Variants in MLLT3 observed in about 807,000 individuals in gnomAD.
MLLT3 encodes MLLT3 super elongation complex subunit, also known as protein AF-9.
A neutral mutation model predicts 53.2 loss-of-function variants in MLLT3; 4 were observed. That is an observed-to-expected ratio of 0.08 (90% CI 0.04 to 0.17). The LOEUF is 0.17. Ranked by LOEUF, MLLT3 falls within the 10% of genes least tolerant of loss-of-function variation. The probability of loss-of-function intolerance (pLI) is 1.00; values close to 1 mark genes in which losing one functional copy is unlikely to be tolerated. For synonymous variants in MLLT3, 283 were observed against 230.6 expected, an observed-to-expected ratio of 1.23 and a Z score of -2.06; for missense variants, 569 against 684.0, an observed-to-expected ratio of 0.83 and a Z score of 1.87.
At chr9:20,522,792 T>A (rs1357557811) in intron 2 of MLLT3, among the ~76,000 whole-genome samples, 1 of 152,070 alleles carries the variant, frequency 6.6e-6, no homozygotes, top group African/African-American at 2.4e-5. Flanking sequence ...AAGGGCCCAG[T>A]GCAGTAGCTA....
chr9:20,553,046 T>C (rs2119030429), intron 2 of MLLT3, among the ~76,000 whole-genome samples: 1 of 152,302 alleles, frequency 6.6e-6, no homozygotes, highest in South Asian at 2.1e-4. Context: ...CTACAGAACA[T>C]ATGAGAATCT....
intron 2 of MLLT3, among the ~76,000 whole-genome samples, chr9:20,589,581 T>C (rs1042548709): frequency 8.1e-5 from 7 of 86,676 alleles, no homozygotes; most frequent in Non-Finnish European, 1.5e-4. Context: ...ACTTAAAGTA[T>C]AATAATAAAA....
chr9:20,358,539 G>A (rs1472730055), intron 8 of MLLT3, among the ~76,000 whole-genome samples: 1 of 152,150 alleles, frequency 6.6e-6, no homozygotes, highest in Non-Finnish European at 1.5e-5. Context: ...TGTTTTGCTA[G>A]ACAGGTAAAA....
intron 2 of MLLT3, among the ~76,000 whole-genome samples, chr9:20,521,139 C>T (rs913062591): frequency 3.3e-5 from 5 of 151,708 alleles, no homozygotes; most frequent in East Asian, 3.9e-4. Context: ...TGGGCGATCT[C>T]GGCTCACTGC....
chr9:20,349,968 G>A (rs1022090247), intron 10 of MLLT3, among the ~76,000 whole-genome samples: 1 of 152,182 alleles, frequency 6.6e-6, no homozygotes, highest in African/African-American at 2.4e-5. Context: ...TTTGCCAAAG[G>A]GAATGGCATT....
chr9:20,601,257 T>A (rs773923802), intron 2 of MLLT3, among the ~76,000 whole-genome samples: 1 of 152,208 alleles, frequency 6.6e-6, no homozygotes, highest in Non-Finnish European at 1.5e-5. Context: ...AGGCGTTTTG[T>A]ATTCAAAAAG....
intron 4 of MLLT3, among the ~76,000 whole-genome samples, chr9:20,431,560 T>C (rs1218207922): frequency 2.6e-5 from 4 of 152,178 alleles, no homozygotes; most frequent in African/African-American, 4.8e-5. Flanking sequence ...CATTTGTCCA[T>C]GCATATTTAT....
intron 2 of MLLT3, among the ~76,000 whole-genome samples, chr9:20,459,388 G>C (rs1824052096): frequency 6.6e-6 from 1 of 152,194 alleles, no homozygotes; most frequent in African/African-American, 2.4e-5. Flanking sequence ...CAAATATTGT[G>C]AACACTGGAG....
chr9:20,422,638 T>A (rs1021814264), intron 4 of MLLT3, among the ~76,000 whole-genome samples: 4 of 152,162 alleles, frequency 2.6e-5, no homozygotes, highest in African/African-American at 9.7e-5. Flanking sequence ...TAATGAAAGA[T>A]TCCCCTCAGC....
chr9:20,609,250 G>C (rs774587401), intron 2 of MLLT3, among the ~76,000 whole-genome samples: 2 of 147,838 alleles, frequency 1.4e-5, no homozygotes, highest in Non-Finnish European at 2.9e-5. Context: ...TATACAGCAT[G>C]TTACAACTGA....
rs367709113 is a variant in MLLT3 at position 20,496,409 on chromosome 9, A to G, written c.194-39623T>C. 1.3e-4 allele frequency among the ~76,000 whole-genome samples: 20 copies of G among 152,280 alleles called. No individual in the cohort carries two copies. In the East Asian group the frequency reaches 3.5e-3, roughly 26 times the overall value. On this transcript the variant is annotated intron_variant, in intron 2 of 10. Transcript: ENST00000380338. Reference sequence around the variant, plus strand: ...CCTGTTTCTGGAAAGATCTAGGCTTATAATTCATGCCTGGACTAACCTTCA... The same window carrying G: ...CCTGTTTCTGGAAAGATCTAGGCTTGTAATTCATGCCTGGACTAACCTTCA...
intron 2 of MLLT3, among the ~76,000 whole-genome samples, chr9:20,482,158 T>C (rs1162834118): frequency 3.9e-5 from 6 of 152,216 alleles, no homozygotes; most frequent in Admixed American, 1.3e-4. Flanking sequence ...ATAAAAATTA[T>C]AGGAGGCCAT....
At chr9:20,513,500 G>C (rs898427944) in intron 2 of MLLT3, among the ~76,000 whole-genome samples, 1 of 152,186 alleles carries the variant, frequency 6.6e-6, no homozygotes, top group Non-Finnish European at 1.5e-5. Flanking sequence ...ATGAGCTATG[G>C]GCCAAGGCCT....
intron 4 of MLLT3, among the ~76,000 whole-genome samples, chr9:20,418,090 T>C (rs1256528918): frequency 1.3e-5 from 2 of 152,010 alleles, no homozygotes; most frequent in Non-Finnish European, 2.9e-5. Flanking sequence ...CCCAGAAGAG[T>C]TTTACTTATC....
intron 5 of MLLT3, among the ~76,000 whole-genome samples, chr9:20,396,844 AC>A (rs969264626): frequency 2.0e-5 from 3 of 152,136 alleles, no homozygotes; most frequent in African/African-American, 7.2e-5. Context: ...GCTTATCCTA[AC>A]TCAAAAATCA....
chr9:20,434,178 G>T (rs1823346048), intron 4 of MLLT3, among the ~76,000 whole-genome samples: 1 of 151,982 alleles, frequency 6.6e-6, no homozygotes, highest in Non-Finnish European at 1.5e-5. Flanking sequence ...AACAAAACTG[G>T]AGTAGGATCT....
intron 2 of MLLT3, among the ~76,000 whole-genome samples, chr9:20,563,541 A>C (rs1819274273): frequency 6.6e-6 from 1 of 152,162 alleles, no homozygotes; most frequent in African/African-American, 2.4e-5. Context: ...AAAGGTCCAC[A>C]GAGACATCTG....
At chr9:20,571,318 C>A (rs1237721290) in intron 2 of MLLT3, among the ~76,000 whole-genome samples, 1 of 152,200 alleles carries the variant, frequency 6.6e-6, no homozygotes, top group Non-Finnish European at 1.5e-5. Flanking sequence ...CACACACAAA[C>A]AACACAGTGA....
chr9:20,589,098 G>T (rs2131183723), intron 2 of MLLT3, among the ~76,000 whole-genome samples: 1 of 150,230 alleles, frequency 6.7e-6, no homozygotes, highest in South Asian at 2.2e-4. Context: ...TATACCCAAA[G>T]GACTATAAAT....
Sources: allele counts gnomAD v4.1 joint callset (sites outside exome capture counted in the v4.1 genomes callset), GRCh38; gene constraint gnomAD v4.1.1; transcripts MANE v1.5; gene names NCBI Gene and HGNC (gene_info 2026-07-23, HGNC 2026-07-21).